The following SOAT2 variants were observed in gnomAD, a reference collection of about 807,000 sequenced individuals.
SOAT2 encodes the protein ACAT-2.
In SOAT2, 87 loss-of-function variants were observed where a neutral mutation model predicts 76.0. That is an observed-to-expected ratio of 1.14 (90% CI 0.96 to 1.37). SOAT2 has a LOEUF of 1.37. Among genes scored for constraint, SOAT2 ranks in the 40% most tolerant of loss-of-function variants. The pLI, the probability that SOAT2 is intolerant of heterozygous loss-of-function variation, is 0.00. For missense variants in SOAT2, 686 were observed against 682.1 expected (o/e 1.01, Z -0.06); for synonymous variants, 285 against 275.4 (o/e 1.03, Z -0.34).
chr12:53,103,600 T>C lies in SOAT2; in HGVS notation c.23T>C (p.Leu8Pro), dbSNP rs1937872568. Reference sequence around the variant, plus strand: ...ACCATGGAGCCAGGCGGGGCCCGTCTGCGTCTGCAGAGGACAGAAGGGCTG... The same window carrying C: ...ACCATGGAGCCAGGCGGGGCCCGTCCGCGTCTGCAGAGGACAGAAGGGCTG... MEPGGAR[L>P]RLQRTEGLGG... The change falls in exon 1 of 15, where the codon CTG becomes CCG. Residue 8 changes from leucine to proline, a missense_variant. Physicochemically the swap from Leu to Pro is moderately conservative, Grantham distance 98 (BLOSUM62 -3). Transcript: ENST00000301466. The C allele has an allele frequency of 7.1e-6, 11 of 1,546,818 alleles. No homozygotes were observed. The highest frequency in any genetic ancestry group is 9.6e-6 in the Non-Finnish European group (11 of 1,146,714).
chr12:53,115,347 T>C, intron 5 of SOAT2, 43 bp from the exon 6 acceptor site: 1 of 1,536,048 alleles, frequency 6.5e-7, no homozygotes, highest in South Asian at 1.2e-5. Flanking sequence ...GGGACAAGAA[T>C]GGGCTTCACT....
chr12:53,104,272 C>T, intron 2 of SOAT2, 66 bp downstream of exon 2: 3 of 999,840 alleles, frequency 3.0e-6, no homozygotes, highest in Non-Finnish European at 3.1e-6. Context: ...AGGAGTGAGG[C>T]TTGGTGATAA....
chr12:53,104,187 A>C lies in SOAT2; in HGVS notation c.119A>C (p.Gln40Pro). ...ACGCACAGAGCCCCGGACTTGGTAC[A>C]ATGGACCCGACACATGGAGGTGAGG... ...TETHRAPDLV[Q>P]WTRHMEAVKA... The change falls in exon 2 of 15, where the codon CAA (glutamine) becomes CCA (proline). Residue 40 changes from glutamine (Q) to proline (P), a missense_variant. Transcript: ENST00000301466. The C allele has an allele frequency of 6.2e-7, 1 of 1,613,394 alleles. No homozygotes were observed. Among genetic ancestry groups the C allele is most frequent in the Non-Finnish European group, 8.5e-7 (1 of 1,179,532 alleles).
In SOAT2 at chr12:53,123,742, A is replaced by G. The variant is rs1938231394; in HGVS notation, c.1387A>G (p.Met463Val). ...TCCTGCACCAGGAATGTTGAACTTC[A>G]TGATGCATGACCAGCGCACCGGCCC... The part of the protein sequence containing the change: ...FLVIGGMLNF[M>V]MHDQRTGPAW... Residue 463 changes from methionine (M) to valine (V), a missense_variant, in exon 14 of 15, where the codon ATG becomes GTG. Met to Val is a conservative substitution (Grantham distance 21). Coordinates refer to ENST00000301466, the MANE Select transcript of SOAT2 (RefSeq NM_003578.4). 3.7e-6 allele frequency: 6 copies of G among 1,614,142 alleles called. No individual in the cohort carries two copies. Among genetic ancestry groups the G allele is most frequent in the South Asian group, 1.1e-5 (1 of 91,080 alleles).
chr12:53,106,129 ACATGTACCAACATTGC>A (rs1937930905), intron 5 of SOAT2, 115 bp downstream of exon 5: 2 of 646,784 alleles, frequency 3.1e-6, no homozygotes, highest in Admixed American at 5.1e-5. Context: ...TGGTTATTGG[ACATGTACCAACATTGC>A]TCCCAACAAC....
At position 53,124,228 on chromosome 12, in the gene SOAT2, G is replaced by A. The variant is rs984088373; in HGVS notation, c.*105G>A. The stretch of plus-strand genomic sequence containing the variant: ...GCATTCCCAAATTTGGCTCTGAGTC[G>A]AGGCAACCTGCACACAAGACCCCAC... On this transcript the variant is annotated 3_prime_UTR_variant, in exon 15 of 15. Coordinates refer to ENST00000301466, the MANE Select transcript of SOAT2 (RefSeq NM_003578.4). 4.6e-5 allele frequency: 52 copies of A among 1,125,674 alleles called. No individual in the cohort carries two copies. Among genetic ancestry groups the A allele is most frequent in the Admixed American group, 2.9e-4 (17 of 57,994 alleles). 69.7% of individuals were successfully genotyped at this position (1,125,674 alleles called of 1,614,324 possible).
At chr12:53,120,385 C>T (rs1238631058) in intron 10 of SOAT2, among the ~76,000 whole-genome samples, 2 of 152,072 alleles carry the variant, frequency 1.3e-5, no homozygotes, top group African/African-American at 4.8e-5. Flanking sequence ...AGGAGAATGG[C>T]ATGAACCCAG....
rs755720508 is a variant in SOAT2 at position 53,105,957 on chromosome 12, C to A, written c.386C>A (p.Ala129Asp). 123 of 1,613,288 alleles carry A rather than the reference C, an allele frequency of 7.6e-5. No individual in the cohort carries two copies. Among genetic ancestry groups the A allele is most frequent in the Non-Finnish European group, 1.0e-4 (122 of 1,179,836 alleles). ...CGCACCATCTACCACATGTTCATCG[C>A]TGGCCTGTGTGTCTTCATCATCAGC... Reference protein sequence around the residue: ...HFRTIYHMFIAGLCVFIISTL... With the variant: ...HFRTIYHMFIDGLCVFIISTL... Residue 129 changes from alanine (A) to aspartate (D), a missense_variant, in exon 5 of 15, where the codon GCT becomes GAT. Physicochemically the swap from Ala to Asp is moderately radical, Grantham distance 126. Coordinates refer to ENST00000301466, the MANE Select transcript of SOAT2 (RefSeq NM_003578.4).
chr12:53,103,748 G>A, intron 1 of SOAT2, 89 bp downstream of exon 1: 2 of 1,090,466 alleles, frequency 1.8e-6, no homozygotes, highest in Non-Finnish European at 2.6e-6. Context: ...CCAACTGCCT[G>A]ATGCCAATCC....
chr12:53,123,892 C>A lies in SOAT2; in HGVS notation c.1518+19C>A. Reference sequence around the variant, plus strand: ...ACCCCAGGTAAGAGACCACAACCCTCATCCAGCTCCCCATCCATGAGGACA... The same window carrying A: ...ACCCCAGGTAAGAGACCACAACCCTAATCCAGCTCCCCATCCATGAGGACA... On this transcript the variant is annotated intron_variant, in intron 14 of 14. Transcript: ENST00000301466. 6.2e-7 allele frequency: 1 copy of A among 1,613,902 alleles called. No homozygotes were observed. The highest frequency in any genetic ancestry group is 8.5e-7 in the Non-Finnish European group (1 of 1,179,856).
intron 5 of SOAT2, among the ~76,000 whole-genome samples, chr12:53,112,439 G>A (rs1484233234): frequency 6.6e-5 from 10 of 151,626 alleles, no homozygotes; most frequent in African/African-American, 1.7e-4. Context: ...CTAGCTACTC[G>A]GGAGGCTGAA....
At chr12:53,119,929 T>C (rs968714702) in intron 10 of SOAT2, among the ~76,000 whole-genome samples, 1 of 152,220 alleles carries the variant, frequency 6.6e-6, no homozygotes. Context: ...TCTGTGTGTG[T>C]CTCACTTCAA....
chr12:53,118,873 C>T lies in SOAT2; in HGVS notation c.864-17C>T, dbSNP rs751027388. The T allele has an allele frequency of 1.2e-6, 2 of 1,613,818 alleles. No homozygotes were observed. Among genetic ancestry groups the T allele is most frequent in the South Asian group, 2.2e-5 (2 of 91,070 alleles). On this transcript the variant is annotated splice_polypyrimidine_tract_variant and intron_variant, in intron 8 of 14. Transcript: ENST00000301466. The stretch of plus-strand genomic sequence containing the variant: ...CATGAAAGAATGAGAAACATATTGT[C>T]CCCATTGCCGCTGCAGGACGCCCTA...
rs770237324 is a variant in SOAT2, at chr12:53,115,432, G to A, written c.486G>A (p.Gln162=). The change falls in exon 6 of 15, where the codon CAG becomes CAA. Residue 162 remains glutamine (Q), a synonymous_variant. Coordinates refer to ENST00000301466, the MANE Select transcript of SOAT2 (RefSeq NM_003578.4). ...ACCTACTGATCTTCAGCTTCGGACA[G>A]CTGCCATTGGCGCTGGTGACCTGGG... ...EFDLLIFSFG[Q]LPLALVTWVP... is the part of the protein sequence containing the mutation. 6.2e-7 allele frequency: 1 copy of A among 1,611,550 alleles called. No homozygotes were observed. The highest frequency in any genetic ancestry group is 1.7e-5 in the Admixed American group (1 of 59,962).
intron 5 of SOAT2, among the ~76,000 whole-genome samples, chr12:53,114,426 T>A (rs1387411146): frequency 6.6e-6 from 1 of 152,140 alleles, no homozygotes; most frequent in Non-Finnish European, 1.5e-5. Context: ...TCGGAGGATT[T>A]TAAACAGTTT....
intron 5 of SOAT2, among the ~76,000 whole-genome samples, chr12:53,112,580 G>C (rs1479482174): frequency 6.7e-6 from 1 of 148,664 alleles, no homozygotes; most frequent in Non-Finnish European, 1.5e-5. Context: ...TCCTAGGAGA[G>C]AAATAAAAAC....
chr12:53,106,795 CT>C (rs1937942586), intron 5 of SOAT2, among the ~76,000 whole-genome samples: 1 of 152,226 alleles, frequency 6.6e-6, no homozygotes. Context: ...TGATTAACTT[CT>C]TTTAATCTAT....
At chr12:53,105,453 C>T (rs1937920482) in intron 3 of SOAT2, 108 bp from the exon 4 acceptor site, 4 of 1,292,006 alleles carry the variant, frequency 3.1e-6, no homozygotes, top group Non-Finnish European at 4.4e-6. Context: ...GGCCCTAGCC[C>T]TGACCTTTCC....
At chr12:53,115,273 G>T in intron 5 of SOAT2, 117 bp from the exon 6 acceptor site, 1 of 1,186,928 alleles carries the variant, frequency 8.4e-7, no homozygotes, top group East Asian at 2.4e-5. Flanking sequence ...TCCAGAGATG[G>T]GGAGCTCACA....
Sources: gnomAD v4.1 joint callset for allele counts (sites outside exome capture counted in the v4.1 genomes callset) on GRCh38, gnomAD v4.1.1 for gene constraint, MANE v1.5 for transcripts, NCBI Gene and HGNC (gene_info 2026-07-23, HGNC 2026-07-21) for gene names.